The following KCNN2 variants were observed in gnomAD, a reference collection of about 807,000 sequenced individuals.
KCNN2 encodes potassium calcium-activated channel subfamily N member 2, also known as small conductance calcium-activated potassium channel protein 2.
In KCNN2, 24 loss-of-function variants were observed where a neutral mutation model predicts 55.5. That is an observed-to-expected ratio of 0.43 (90% CI 0.31 to 0.61). KCNN2 has a LOEUF of 0.61. Among genes scored for constraint, KCNN2 ranks in the 20% least tolerant of loss-of-function variants. The probability of loss-of-function intolerance (pLI) is 0.08; values close to 1 mark genes in which losing one functional copy is unlikely to be tolerated. For missense variants in KCNN2, 754 were observed against 853.6 expected (o/e 0.88, Z 1.45); for synonymous variants, 431 against 336.1 (o/e 1.28, Z -3.09).
chr5:114,363,974 C>T lies in KCNN2; in HGVS notation c.1191C>T (p.Ile397=), dbSNP rs763959329. ...SLSTIILLGL[I]IVYHAREIQL... ...CCACGATCATCCTGCTCGGTCTGAT[C>T]ATCGTGTACCACGCCAGGGAAATAC... The change falls in exon 2 of 8, where the codon ATC becomes ATT. Residue 397 remains isoleucine (I), a synonymous_variant. Transcript: ENST00000673685. 2 of 1,613,930 alleles carry T rather than the reference C, an allele frequency of 1.2e-6. No individual in the cohort carries two copies. The highest frequency in any genetic ancestry group is 1.7e-6 in the Non-Finnish European group (2 of 1,179,818).
intron 1 of KCNN2, among the ~76,000 whole-genome samples, chr5:114,074,062 G>A (rs755309590): frequency 9.9e-5 from 15 of 152,030 alleles, no homozygotes; most frequent in Non-Finnish European, 1.9e-4. Context: ...TTGACTTACT[G>A]CCCTGGTTTT....
intron 2 of KCNN2, among the ~76,000 whole-genome samples, chr5:114,312,340 C>T (rs1756404626): frequency 6.8e-6 from 1 of 146,348 alleles, no homozygotes; most frequent in South Asian, 2.2e-4. Context: ...TGGCTTGCCC[C>T]TAAGACATTT....
chr5:114,392,925 A>G (rs1333349998), intron 2 of KCNN2, among the ~76,000 whole-genome samples: 3 of 149,612 alleles, frequency 2.0e-5, no homozygotes, highest in Non-Finnish European at 3.0e-5. Flanking sequence ...GTTTGGGGCC[A>G]TGATCCCAAA....
chr5:114,171,205 A>G (rs1753025397), intron 1 of KCNN2, among the ~76,000 whole-genome samples: 1 of 152,022 alleles, frequency 6.6e-6, no homozygotes, highest in African/African-American at 2.4e-5. Flanking sequence ...GGAAGGAAGT[A>G]TGCATTCTAG....
intron 1 of KCNN2, among the ~76,000 whole-genome samples, chr5:114,154,602 G>A (rs1752593491): frequency 6.6e-6 from 1 of 152,102 alleles, no homozygotes. Flanking sequence ...CATCCAGATG[G>A]ACTATATAAA....
chr5:114,166,684 A>G (rs1014399795), intron 1 of KCNN2, among the ~76,000 whole-genome samples: 2 of 152,140 alleles, frequency 1.3e-5, no homozygotes, highest in African/African-American at 2.4e-5. Context: ...CCTCCTGGAA[A>G]GCCTCCAGAC....
chr5:114,207,728 G>A lies in KCNN2; in HGVS notation c.-270-13752G>A, dbSNP rs145348456. On this transcript the variant is annotated intron_variant, in intron 1 of 10. Transcript: ENST00000512097. ...TTAAGTTAACTTACTTGCACCTCTT[G>A]AGGGCAGTTTTAGGAAAGAAAACAT... is the stretch of plus-strand genomic sequence containing the variant. Among the ~76,000 whole-genome samples, 3 of 152,252 alleles carry A rather than the reference G, an allele frequency of 2.0e-5. No individual in the cohort carries two copies. In the South Asian group the frequency reaches 6.2e-4, roughly 32 times the overall value.
At chr5:114,389,913 T>C (rs1758406272) in intron 2 of KCNN2, among the ~76,000 whole-genome samples, 1 of 152,170 alleles carries the variant, frequency 6.6e-6, no homozygotes, top group African/African-American at 2.4e-5. Context: ...CAGTACAGCC[T>C]GATGCCCCCA....
In KCNN2 at chr5:114,346,580, G is replaced by A. The variant is rs184455173; in HGVS notation, c.-184-14365G>A. On this transcript the variant is annotated intron_variant, in intron 2 of 10. Coordinates refer to the KCNN2 transcript ENST00000512097. ...GGTATTGCATTAGAATTGGGTGTAT[G>A]AATATGAATTTACTTCTAAATATAT... 2.0e-4 allele frequency among the ~76,000 whole-genome samples: 31 copies of A among 152,164 alleles called. 1 individual carries two copies. The East Asian group carries it at 2.7e-3, about 13-fold the overall frequency.
chr5:114,329,358 C>G (rs976654992), intron 2 of KCNN2, among the ~76,000 whole-genome samples: 5 of 152,314 alleles, frequency 3.3e-5, no homozygotes, highest in African/African-American at 1.2e-4. Flanking sequence ...CACCCTCAAT[C>G]TGTGTGGGCA....
chr5:114,064,537 C>T (rs1348080152), intron 1 of KCNN2, among the ~76,000 whole-genome samples: 1 of 152,146 alleles, frequency 6.6e-6, no homozygotes, highest in Non-Finnish European at 1.5e-5. Flanking sequence ...GACCTTCTAT[C>T]CCAGCCCAGT....
At chr5:114,077,920 A>G (rs886176417) in intron 1 of KCNN2, among the ~76,000 whole-genome samples, 47 of 152,176 alleles carry the variant, frequency 3.1e-4, no homozygotes, top group African/African-American at 1.0e-3. Flanking sequence ...GACTTTATTT[A>G]GTTAGACAAA....
At chr5:114,390,554 T>G (rs1435728226) in intron 2 of KCNN2, among the ~76,000 whole-genome samples, 1 of 152,110 alleles carries the variant, frequency 6.6e-6, no homozygotes, top group Non-Finnish European at 1.5e-5. Context: ...GACACTATCC[T>G]TGTAGTCCTA....
chr5:114,483,818 T>A (rs1486521684), intron 5 of KCNN2, among the ~76,000 whole-genome samples: 2 of 152,042 alleles, frequency 1.3e-5, no homozygotes, highest in East Asian at 3.9e-4. Context: ...TGACTTTTAT[T>A]TCATAGGTCT....
At chr5:114,230,077 C>T (rs1020354087) in intron 2 of KCNN2, among the ~76,000 whole-genome samples, 6 of 152,176 alleles carry the variant, frequency 3.9e-5, no homozygotes, top group African/African-American at 1.4e-4. Context: ...GCTTGACCTA[C>T]AACTAAGAGA....
chr5:114,210,797 A>G (rs961675845), intron 1 of KCNN2, among the ~76,000 whole-genome samples: 18 of 152,190 alleles, frequency 1.2e-4, no homozygotes, highest in African/African-American at 4.3e-4. Context: ...ATTAGTATAT[A>G]CTTGACCTCA....
intron 2 of KCNN2, among the ~76,000 whole-genome samples, chr5:114,302,440 A>T (rs1756184767): frequency 6.6e-6 from 1 of 152,170 alleles, no homozygotes. Context: ...ATCATAAGGA[A>T]ATTCTCCATC....
intron 6 of KCNN2, among the ~76,000 whole-genome samples, chr5:114,487,421 T>C (rs1348759336): frequency 6.6e-6 from 1 of 152,192 alleles, no homozygotes; most frequent in African/African-American, 2.4e-5. Flanking sequence ...AGTTTCTTTT[T>C]AGAATAACTT....
At chr5:114,419,215 CTG>C (rs1445562433) in intron 3 of KCNN2, among the ~76,000 whole-genome samples, 2 of 152,248 alleles carry the variant, frequency 1.3e-5, no homozygotes, top group Admixed American at 1.3e-4. Context: ...TGGGCCAAAT[CTG>C]GCCCACCACT....
Sources: gnomAD v4.1 joint callset for allele counts (sites outside exome capture counted in the v4.1 genomes callset) on GRCh38, gnomAD v4.1.1 for gene constraint, MANE v1.5 for transcripts, NCBI Gene and HGNC (gene_info 2026-07-23, HGNC 2026-07-21) for gene names.